Variants in ZC3H3 observed in about 807,000 individuals in gnomAD.
The protein encoded by ZC3H3 is zinc finger CCCH-type containing 3.
In ZC3H3, 36 loss-of-function variants were observed where a neutral mutation model predicts 77.3. The ratio of observed to expected loss-of-function variants is 0.47; its 90% CI spans 0.36 to 0.61. The LOEUF (loss-of-function observed/expected upper bound fraction) is 0.61, where lower values mean the gene tolerates loss of function less well. Ranked by LOEUF, ZC3H3 falls within the 20% of genes least tolerant of loss-of-function variation. ZC3H3 has a pLI of 0.00. For missense variants in ZC3H3, 1,331 were observed against 1,312.2 expected, an observed-to-expected ratio of 1.01 and a Z score of -0.22; for synonymous variants, 626 against 555.2, an observed-to-expected ratio of 1.13 and a Z score of -1.79.
intron 5 of ZC3H3, among the ~76,000 whole-genome samples, chr8:143,471,450 C>T (rs1037767250): frequency 6.6e-6 from 1 of 152,356 alleles, no homozygotes; most frequent in South Asian, 2.1e-4. Flanking sequence ...GCAGGGAGGG[C>T]CACGGCCACA....
rs1822691124 is a variant in ZC3H3 at position 143,533,589 on chromosome 8, A to G, written c.1561+2668T>C. Reference sequence around the variant, plus strand: ...GCACAGTGACTCAACCACGCTTGCCAGTTGGGCCAGTGGTGGGCAAGTGAG... The same window carrying G: ...GCACAGTGACTCAACCACGCTTGCCGGTTGGGCCAGTGGTGGGCAAGTGAG... On this transcript the variant is annotated intron_variant, in intron 3 of 11. Transcript: ENST00000262577. The surrounding 1 kb of genome is among the most constrained non-coding windows in gnomAD (Gnocchi z 4.0). Among the ~76,000 whole-genome samples, 1 of 151,894 alleles carries G rather than the reference A, an allele frequency of 6.6e-6. No individual in the cohort carries two copies. Among genetic ancestry groups the G allele is most frequent in the Non-Finnish European group, 1.5e-5 (1 of 67,956 alleles).
At chr8:143,522,744 C>T (rs916733156) in intron 3 of ZC3H3, among the ~76,000 whole-genome samples, 2 of 152,136 alleles carry the variant, frequency 1.3e-5, no homozygotes, top group Admixed American at 6.5e-5. Context: ...CATGGTGAGA[C>T]CCTGTCTCTA....
chr8:143,517,421 C>A (rs563754478), intron 3 of ZC3H3, among the ~76,000 whole-genome samples: 2 of 152,164 alleles, frequency 1.3e-5, no homozygotes, highest in African/African-American at 4.8e-5. Context: ...AGGAGGAAAC[C>A]GGACCAAGTT....
intron 5 of ZC3H3, among the ~76,000 whole-genome samples, chr8:143,473,932 G>A (rs776291271): frequency 6.6e-5 from 10 of 152,248 alleles, no homozygotes; most frequent in East Asian, 5.8e-4. Flanking sequence ...TCCCCTCCAC[G>A]ATACAAACAG....
At chr8:143,447,489 C>T (rs1404090460) in intron 9 of ZC3H3, among the ~76,000 whole-genome samples, 3 of 152,218 alleles carry the variant, frequency 2.0e-5, no homozygotes, top group African/African-American at 4.8e-5. Context: ...CTGGAGTTGA[C>T]AGTTACACCA....
rs569265226 is a variant in ZC3H3 at position 143,478,393 on chromosome 8, G to A, written c.1716-2808C>T. ...GGGGCAGAGGCATCAGGGCCTCTGG[G>A]GGTCAGCAGGCACTGGAAGCTTCCA... On this transcript the variant is annotated intron_variant, in intron 4 of 11. Transcript: ENST00000262577. Among the ~76,000 whole-genome samples, 55 of 152,348 alleles carry A rather than the reference G, an allele frequency of 3.6e-4. 2 individuals carry two copies. Among genetic ancestry groups the A allele is most frequent in the South Asian group, 1.2e-3 (6 of 4,828 alleles).
intron 3 of ZC3H3, among the ~76,000 whole-genome samples, chr8:143,535,942 C>T (rs1274756710): frequency 1.3e-5 from 2 of 152,252 alleles, no homozygotes; most frequent in Non-Finnish European, 2.9e-5. Context: ...GCGAGGGCTT[C>T]ACCCCTGCTT....
intron 4 of ZC3H3, among the ~76,000 whole-genome samples, chr8:143,476,638 T>C (rs1251198608): frequency 6.6e-6 from 1 of 152,344 alleles, no homozygotes; most frequent in East Asian, 1.9e-4. Context: ...CAAGCTGCCA[T>C]GACCCCTGAG....
At chr8:143,505,908 CAG>C (rs1821677442) in intron 4 of ZC3H3, among the ~76,000 whole-genome samples, 1 of 152,224 alleles carries the variant, frequency 6.6e-6, no homozygotes, top group Non-Finnish European at 1.5e-5. Flanking sequence ...CCAGGGCACT[CAG>C]AGAGTCACGG....
intron 2 of ZC3H3, 77 bp from the exon 3 acceptor site, chr8:143,536,530 AGGAGCGTG>A: frequency 7.2e-7 from 1 of 1,398,330 alleles, no homozygotes; most frequent in South Asian, 1.5e-5. Flanking sequence ...CCAGGACCCG[AGGAGCGTG>A]GGAGCAGCTC....
At position 143,440,981 on chromosome 8, in the gene ZC3H3, C is replaced by T. The variant is rs761957679; in HGVS notation, c.2447G>A (p.Ser816Asn). 1 of 1,456,086 alleles carries T rather than the reference C, an allele frequency of 6.9e-7. No individual in the cohort carries two copies. The highest frequency in any genetic ancestry group is 2.8e-5 in the Admixed American group (1 of 35,820). The allele number at this position is 1,456,086 out of a possible 1,614,324, so 90.2% of individuals were successfully genotyped here. Residue 816 changes from serine (S) to asparagine (N), a missense_variant, in exon 10 of 12, where the codon AGC (serine) becomes AAC (asparagine). Around this residue, in one of 3 missense-constraint regions of ZC3H3, gnomAD observed 249 missense variants for 236.9 expected, o/e 1.05. Transcript: ENST00000262577. ...RAATSPAPGP[S>N]DATARSRVSA... The stretch of plus-strand genomic sequence containing the variant: ...GACCCTGCTCCTGGCGGTTGCGTCG[C>T]TGGGCCCTGGGGCGGGGGACGTGGC...
In ZC3H3 at chr8:143,533,877, T is replaced by A. The variant is rs1461849473; in HGVS notation, c.1561+2380A>T. 6.6e-6 allele frequency among the ~76,000 whole-genome samples: 1 copy of A among 152,076 alleles called. No individual in the cohort carries two copies. The highest frequency in any genetic ancestry group is 1.5e-5 in the Non-Finnish European group (1 of 68,006). On this transcript the variant is annotated intron_variant, in intron 3 of 11. Transcript: ENST00000262577. This position sits in a 1 kb window ranked among gnomAD's most constrained non-coding sequence, Gnocchi z 4.0. The stretch of plus-strand genomic sequence containing the variant: ...TTTTAGTAGAGACGGGGTTTTGCCA[T>A]GTTGCCAAGGCTGGTCTTGAACTCC...
chr8:143,529,554 C>T (rs2130492106), intron 3 of ZC3H3, among the ~76,000 whole-genome samples: 1 of 152,342 alleles, frequency 6.6e-6, no homozygotes, highest in South Asian at 2.1e-4. Context: ...CCTTCTGAGA[C>T]CGAGAAGTCA....
At chr8:143,508,224 G>C (rs1429142979) in intron 3 of ZC3H3, among the ~76,000 whole-genome samples, 1 of 152,166 alleles carries the variant, frequency 6.6e-6, no homozygotes. Flanking sequence ...GGGATGCCTT[G>C]GAGTCCCCTA....
rs1822935907 is a variant in ZC3H3, at chr8:143,539,416, T to C, written c.47-96A>G. 19 of 1,253,712 alleles carry C rather than the reference T, an allele frequency of 1.5e-5. No individual in the cohort carries two copies. The South Asian group carries it at 2.9e-4, about 19-fold the overall frequency. The allele number at this position is 1,253,712 out of a possible 1,614,324, so 77.7% of individuals were successfully genotyped here. A position where few individuals can be genotyped will look rare whatever the true frequency, so the allele number is the denominator to read the frequency against. ...CATCAGCTGGCAAGATACCCCCAGATCCCATCTCACTTCTGAGCCCCTGCC... is the reference window on the plus strand; with the variant it reads ...CATCAGCTGGCAAGATACCCCCAGACCCCATCTCACTTCTGAGCCCCTGCC... On this transcript the variant is annotated intron_variant, in intron 1 of 11. Coordinates refer to ENST00000262577, the MANE Select transcript of ZC3H3 (RefSeq NM_015117.3).
Position 143,538,865 on chromosome 8 carries a change from G to A in ZC3H3, c.502C>T (p.Arg168Trp), listed in dbSNP as rs3750208. 214,930 of 1,612,228 alleles carry A rather than the reference G, an allele frequency of 0.13. 15,179 individuals are homozygous for A. Among genetic ancestry groups the A allele is most frequent in the South Asian group, 0.17 (15,635 of 91,040 alleles). ...RPREGEGEPPRGQLQPSRPTR... is the reference protein window; with the variant it reads ...RPREGEGEPPWGQLQPSRPTR... ...GGCCTCGAGGGCTGCAGCTGTCCCC[G>A]AGGGGGCTCACCTTCACCTTCCCGG... Residue 168 changes from arginine to tryptophan, a missense_variant, in exon 2 of 12, where the codon CGG becomes TGG. Around this residue, in one of 3 missense-constraint regions of ZC3H3, gnomAD observed 978 missense variants for 915.5 expected, o/e 1.07. Transcript: ENST00000262577.
At chr8:143,491,650 T>A (rs1419028673) in intron 4 of ZC3H3, among the ~76,000 whole-genome samples, 1 of 152,228 alleles carries the variant, frequency 6.6e-6, no homozygotes, top group Non-Finnish European at 1.5e-5. Flanking sequence ...AGGACCCCCC[T>A]GTCCTGGACT....
intron 2 of ZC3H3, among the ~76,000 whole-genome samples, chr8:143,536,682 T>C (rs1228804762): frequency 6.6e-6 from 1 of 152,000 alleles, no homozygotes; most frequent in Non-Finnish European, 1.5e-5. Context: ...ACCCCAGAAC[T>C]AGGGCAGGCT....
At chr8:143,539,986 G>A (rs1244585101) in intron 1 of ZC3H3, among the ~76,000 whole-genome samples, 1 of 152,206 alleles carries the variant, frequency 6.6e-6, no homozygotes, top group African/African-American at 2.4e-5. Context: ...GGCAAGGGCG[G>A]CAGCAGCCAG....
Sources: gnomAD v4.1 joint callset for allele counts (sites outside exome capture counted in the v4.1 genomes callset) on GRCh38, gnomAD v4.1.1 for gene constraint, gnomAD v4.1.1 regional missense constraint, Gnocchi (gnomAD v3.1) non-coding constraint, MANE v1.5 for transcripts, NCBI Gene and HGNC (gene_info 2026-07-23, HGNC 2026-07-21) for gene names.